INPP4B: variants seen among roughly 807,000 people sequenced by gnomAD.
The protein encoded by INPP4B is inositol polyphosphate 4-phosphatase type II.
In INPP4B, 55 loss-of-function variants were observed where a neutral mutation model predicts 122.5. That is an observed-to-expected ratio of 0.45 (90% CI 0.36 to 0.56). INPP4B has a LOEUF of 0.56. Ranked by LOEUF, INPP4B falls within the 20% of genes least tolerant of loss-of-function variation. The pLI is 0.00. For synonymous variants in INPP4B, 403 were observed against 388.7 expected, an observed-to-expected ratio of 1.04 and a Z score of -0.43; for missense variants, 1,000 against 1,097.7, an observed-to-expected ratio of 0.91 and a Z score of 1.26.
At chr4:142,258,182 T>C (rs1008743862) in intron 11 of INPP4B, among the ~76,000 whole-genome samples, 12 of 152,094 alleles carry the variant, frequency 7.9e-5, no homozygotes, top group East Asian at 1.9e-4. Flanking sequence ...CCCTTCCTTA[T>C]ACCTTATACA....
chr4:142,082,981 C>G (rs1774808154), intron 24 of INPP4B, among the ~76,000 whole-genome samples: 1 of 151,906 alleles, frequency 6.6e-6, no homozygotes, highest in Admixed American at 6.6e-5. Flanking sequence ...AATAAATTAG[C>G]TAGGCATGGT....
intron 2 of INPP4B, among the ~76,000 whole-genome samples, chr4:142,624,716 C>T (rs899964939): frequency 1.3e-5 from 2 of 152,042 alleles, no homozygotes; most frequent in African/African-American, 2.4e-5. Context: ...GATGAACATT[C>T]GTGAAAAAAT....
At chr4:142,844,789 C>A (rs1194179525) in intron 1 of INPP4B, among the ~76,000 whole-genome samples, 1 of 152,182 alleles carries the variant, frequency 6.6e-6, no homozygotes, top group African/African-American at 2.4e-5. Context: ...CATTTCTGGT[C>A]CAGAACTCAT....
chr4:142,516,912 C>T (rs774474915), intron 2 of INPP4B, among the ~76,000 whole-genome samples: 3 of 152,024 alleles, frequency 2.0e-5, no homozygotes, highest in Admixed American at 1.3e-4. Context: ...AGCAACAGCT[C>T]GCTACTGTTA....
intron 12 of INPP4B, among the ~76,000 whole-genome samples, chr4:142,212,188 T>C (rs1053735679): frequency 6.6e-6 from 1 of 152,082 alleles, no homozygotes; most frequent in African/African-American, 2.4e-5. Context: ...CCCTCACATC[T>C]TTCCCAAGAG....
chr4:142,404,114 A>T (rs1320478664), intron 6 of INPP4B, among the ~76,000 whole-genome samples: 1 of 152,184 alleles, frequency 6.6e-6, no homozygotes, highest in African/African-American at 2.4e-5. Flanking sequence ...TCATATGAAT[A>T]AGATTATTTT....
At chr4:142,260,858 A>G (rs974494325) in intron 10 of INPP4B, among the ~76,000 whole-genome samples, 1 of 152,218 alleles carries the variant, frequency 6.6e-6, no homozygotes, top group Non-Finnish European at 1.5e-5. Context: ...TTCCTAGCAC[A>G]GTAAATCATA....
intron 2 of INPP4B, 85 bp from the exon 3 acceptor site, chr4:142,462,811 A>G (rs1816982117): frequency 6.6e-6 from 1 of 152,220 alleles, no homozygotes; most frequent in Non-Finnish European, 1.5e-5. Flanking sequence ...AAAGTGTTTA[A>G]TATGCTTATA....
At chr4:142,406,396 G>A (rs1023548265) in intron 5 of INPP4B, among the ~76,000 whole-genome samples, 4 of 152,198 alleles carry the variant, frequency 2.6e-5, no homozygotes, top group Non-Finnish European at 5.9e-5. Flanking sequence ...GTCAGAGCTT[G>A]CAAGGTCCTT....
chr4:142,175,534 T>C (rs1458722201), intron 15 of INPP4B, among the ~76,000 whole-genome samples: 1 of 152,112 alleles, frequency 6.6e-6, no homozygotes, highest in Non-Finnish European at 1.5e-5. Flanking sequence ...AGTTTACTTG[T>C]AGACTTTTAA....
At chr4:142,435,829 C>T (rs571950228) in intron 3 of INPP4B, among the ~76,000 whole-genome samples, 1 of 152,206 alleles carries the variant, frequency 6.6e-6, no homozygotes, top group East Asian at 1.9e-4. Flanking sequence ...AGGGTCCCAA[C>T]CACAGAGCCA....
intron 2 of INPP4B, among the ~76,000 whole-genome samples, chr4:142,540,700 A>G (rs931966232): frequency 6.6e-6 from 1 of 152,204 alleles, no homozygotes; most frequent in South Asian, 2.1e-4. Flanking sequence ...GGAATCATGC[A>G]TAGTGCTTTA....
intron 15 of INPP4B, among the ~76,000 whole-genome samples, chr4:142,188,518 A>AAAAAAAAAAAAAAAAAAAAAAAAAAAAAT (rs1834267141): frequency 9.5e-6 from 1 of 105,096 alleles, no homozygotes; most frequent in Non-Finnish European, 1.9e-5. Context: ...AAAGAAAAAA[A>AAAAAAAAAAAAAAAAAAAAAAAAAAAAAT]ATATATATAG....
intron 2 of INPP4B, among the ~76,000 whole-genome samples, chr4:142,507,170 C>T (rs986231910): frequency 1.3e-5 from 2 of 152,114 alleles, no homozygotes; most frequent in African/African-American, 4.8e-5. Context: ...GTATTATAGC[C>T]ACGAGGATAG....
intron 2 of INPP4B, among the ~76,000 whole-genome samples, chr4:142,708,239 A>C (rs1762687547): frequency 6.6e-6 from 1 of 152,222 alleles, no homozygotes; most frequent in Non-Finnish European, 1.5e-5. Flanking sequence ...TATTTTTAAA[A>C]AGGGAAGCAG....
intron 7 of INPP4B, among the ~76,000 whole-genome samples, chr4:142,393,608 G>T (rs182301679): frequency 6.6e-6 from 1 of 152,158 alleles, no homozygotes; most frequent in South Asian, 2.1e-4. Context: ...AACTAAATAC[G>T]GCCTGAGAAG....
At chr4:142,759,835 A>G in intron 1 of INPP4B, among the ~76,000 whole-genome samples, 1 of 149,036 alleles carries the variant, frequency 6.7e-6, no homozygotes, top group East Asian at 1.9e-4. Context: ...TAAAAAAAAA[A>G]AAAAAAAAAA....
At chr4:142,595,210 C>T (rs1435136699) in intron 2 of INPP4B, among the ~76,000 whole-genome samples, 5 of 151,846 alleles carry the variant, frequency 3.3e-5, no homozygotes, top group African/African-American at 1.2e-4. Context: ...TGAGCATTTA[C>T]TCTCTTAGTG....
chr4:142,178,083 C>T (rs1445893577), intron 15 of INPP4B, among the ~76,000 whole-genome samples: 1 of 152,194 alleles, frequency 6.6e-6, no homozygotes, highest in Non-Finnish European at 1.5e-5. Context: ...TTCACAGCTC[C>T]AGCTTAACCT....
Sources: allele counts gnomAD v4.1 joint callset (sites outside exome capture counted in the v4.1 genomes callset), GRCh38; gene constraint gnomAD v4.1.1; transcripts MANE v1.5; gene names NCBI Gene and HGNC (gene_info 2026-07-23, HGNC 2026-07-21).